The following RBPMS variants were observed in gnomAD, a reference collection of about 807,000 sequenced individuals.
RBPMS encodes the protein RNA binding protein, mRNA processing factor, also known as RNA-binding protein with multiple splicing.
A neutral mutation model predicts 26.8 loss-of-function variants in RBPMS; 7 were observed. The ratio of observed to expected loss-of-function variants is 0.26; its 90% CI spans 0.15 to 0.49. The LOEUF is 0.49. Among genes scored for constraint, RBPMS ranks in the 20% least tolerant of loss-of-function variants. The probability of loss-of-function intolerance (pLI) is 0.98; values close to 1 mark genes in which losing one functional copy is unlikely to be tolerated. For synonymous variants in RBPMS, 96 were observed against 93.3 expected, an observed-to-expected ratio of 1.03 and a Z score of -0.17; for missense variants, 186 against 250.0, an observed-to-expected ratio of 0.74 and a Z score of 1.73.
intron 1 of RBPMS, among the ~76,000 whole-genome samples, chr8:30,473,939 G>T (rs1317435811): frequency 6.6e-6 from 1 of 152,152 alleles, no homozygotes; most frequent in Admixed American, 6.5e-5. Context: ...CTTGTCGGGG[G>T]CTTGAGGGGA....
intron 1 of RBPMS, among the ~76,000 whole-genome samples, chr8:30,391,399 T>G (rs1016394864): frequency 6.6e-6 from 1 of 152,164 alleles, no homozygotes; most frequent in Non-Finnish European, 1.5e-5. Context: ...GGCACCTTAG[T>G]GTCTGCCTGG....
intron 5 of RBPMS, among the ~76,000 whole-genome samples, chr8:30,509,006 A>G (rs2150949020): frequency 6.6e-6 from 1 of 152,292 alleles, no homozygotes; most frequent in African/African-American, 2.4e-5. Context: ...ACTCTGCAGT[A>G]ATGAAGATTC....
chr8:30,444,415 A>G (rs1813491563), intron 1 of RBPMS, among the ~76,000 whole-genome samples: 1 of 152,218 alleles, frequency 6.6e-6, no homozygotes, highest in South Asian at 2.1e-4. Flanking sequence ...CAGACTCAGC[A>G]CTATAGGCTT....
At chr8:30,492,472 C>A (rs1819500420) in intron 4 of RBPMS, among the ~76,000 whole-genome samples, 1 of 151,684 alleles carries the variant, frequency 6.6e-6, no homozygotes. Context: ...AAAAAAAATA[C>A]CCCTTTTATC....
At chr8:30,500,799 C>T (rs1300482105) in intron 4 of RBPMS, among the ~76,000 whole-genome samples, 2 of 152,140 alleles carry the variant, frequency 1.3e-5, no homozygotes, top group African/African-American at 4.8e-5. Context: ...GCACAGAACA[C>T]AGACATTGGC....
At chr8:30,472,034 A>G (rs1166554782) in intron 1 of RBPMS, among the ~76,000 whole-genome samples, 5 of 152,230 alleles carry the variant, frequency 3.3e-5, no homozygotes, top group Admixed American at 1.3e-4. Flanking sequence ...TATACCTTTC[A>G]TATATAGGCA....
Position 30,390,144 on chromosome 8 carries a change from C to A in RBPMS, c.66+4986C>A, listed in dbSNP as rs149845343. On this transcript the variant is annotated intron_variant, in intron 1 of 8. Transcript: ENST00000397323. ...GATCATTGCTATTTACTTTCTGATG[C>A]CTTTCGGTGTTTAAGTTTTCGAAAA... 3.3e-4 allele frequency among the ~76,000 whole-genome samples: 50 copies of A among 152,272 alleles called. 1 individual carries two copies. Among genetic ancestry groups the A allele is most frequent in the African/African-American group, 5.5e-4 (23 of 41,552 alleles).
chr8:30,445,652 A>ATATATATATATATATATT (rs1813662310), intron 1 of RBPMS, among the ~76,000 whole-genome samples: 1 of 29,718 alleles, frequency 3.4e-5, no homozygotes, highest in Non-Finnish European at 9.5e-5. Flanking sequence ...ACACACGGAT[A>ATATATATATATATATATT]TATATATATA....
intron 1 of RBPMS, among the ~76,000 whole-genome samples, chr8:30,460,128 C>A (rs1815717049): frequency 6.6e-6 from 1 of 152,170 alleles, no homozygotes; most frequent in Non-Finnish European, 1.5e-5. Flanking sequence ...TAGGATGGGG[C>A]ATATTAATTG....
At chr8:30,530,009 C>T (rs1824044238) in intron 5 of RBPMS, among the ~76,000 whole-genome samples, 1 of 152,202 alleles carries the variant, frequency 6.6e-6, no homozygotes, top group South Asian at 2.1e-4. Context: ...CCCACCTCGG[C>T]CTCCCAAAGT....
intron 4 of RBPMS, among the ~76,000 whole-genome samples, chr8:30,491,387 A>T (rs1274527652): frequency 2.0e-5 from 3 of 152,162 alleles, no homozygotes. Context: ...AAGAAAATGC[A>T]CGTTTTCTAC....
chr8:30,474,912 C>T, intron 2 of RBPMS, 56 bp downstream of exon 2: 1 of 1,152,676 alleles, frequency 8.7e-7, no homozygotes, highest in Admixed American at 1.9e-5. Flanking sequence ...TGTATGCTTT[C>T]TGGGAGCTTT....
intron 6 of RBPMS, among the ~76,000 whole-genome samples, chr8:30,551,164 T>C (rs4489288): frequency 0.23 from 34,923 of 152,098 alleles, 4,560 homozygotes; most frequent in East Asian, 0.39. Flanking sequence ...CCTCTCCACC[T>C]CTTCCGTCAT....
chr8:30,565,130 G>A (rs1284895193), intron 7 of RBPMS: 2 of 152,166 alleles, frequency 1.3e-5, no homozygotes, highest in African/African-American at 4.8e-5. Context: ...TTATTTTCCT[G>A]TTCTCAAGTA....
At chr8:30,524,159 G>C (rs1394415250) in intron 5 of RBPMS, among the ~76,000 whole-genome samples, 4 of 152,052 alleles carry the variant, frequency 2.6e-5, no homozygotes, top group Admixed American at 6.5e-5. Context: ...CTGGTAGTGT[G>C]TACTTCAATC....
chr8:30,549,809 T>TCTCTCTCTCTCTCCCCCCTCTCTC (rs1826191976), intron 6 of RBPMS, among the ~76,000 whole-genome samples: 5 of 92,610 alleles, frequency 5.4e-5, no homozygotes, highest in East Asian at 5.1e-4. Context: ...CTCTCTCCTC[T>TCTCTCTCTCTCTCCCCCCTCTCTC]CTCTCTCTCT....
intron 4 of RBPMS, among the ~76,000 whole-genome samples, chr8:30,480,840 A>G (rs1471694674): frequency 6.6e-6 from 1 of 152,266 alleles, no homozygotes; most frequent in Non-Finnish European, 1.5e-5. Context: ...TATTTTAACC[A>G]GGTGGGAACC....
chr8:30,491,715 A>G (rs1449336000), intron 4 of RBPMS, among the ~76,000 whole-genome samples: 1 of 152,140 alleles, frequency 6.6e-6, no homozygotes, highest in Non-Finnish European at 1.5e-5. Context: ...TAAAAGCTCA[A>G]AGTAAACTTT....
intron 5 of RBPMS, chr8:30,537,679 T>C (rs1048697661): frequency 1.3e-5 from 6 of 455,718 alleles, no homozygotes; most frequent in African/African-American, 1.0e-4. Context: ...GTGAGAGTCG[T>C]TGGGCTGGAT....
Sources: gnomAD v4.1 joint callset for allele counts (sites outside exome capture counted in the v4.1 genomes callset) on GRCh38, gnomAD v4.1.1 for gene constraint, MANE v1.5 for transcripts, NCBI Gene and HGNC (gene_info 2026-07-23, HGNC 2026-07-21) for gene names.